Variants in ITGA9 observed in about 807,000 individuals in gnomAD.
The protein encoded by ITGA9 is integrin alpha-9.
A neutral mutation model predicts 127.8 loss-of-function variants in ITGA9; 56 were observed. The ratio of observed to expected loss-of-function variants is 0.44; its 90% CI spans 0.35 to 0.55. The LOEUF (loss-of-function observed/expected upper bound fraction) is 0.55. Ranked by LOEUF, ITGA9 falls within the 20% of genes least tolerant of loss-of-function variation. ITGA9 has a pLI of 0.00. For missense variants in ITGA9, 1,196 were observed against 1,347.1 expected (o/e 0.89, Z 1.76); for synonymous variants, 508 against 514.5 (o/e 0.99, Z 0.17).
At chr3:37,736,061 T>C (rs1332558154) in intron 19 of ITGA9, among the ~76,000 whole-genome samples, 1 of 152,206 alleles carries the variant, frequency 6.6e-6, no homozygotes, top group African/African-American at 2.4e-5. Context: ...TGGCTTTCCC[T>C]TGGTGTGTGT....
chr3:37,519,179 G>T, intron 10 of ITGA9, 81 bp from the exon 11 acceptor site: 1 of 1,031,454 alleles, frequency 9.7e-7, no homozygotes, highest in Non-Finnish European at 1.5e-6. Context: ...CAGGGACTCA[G>T]ACATGACAAC....
At chr3:37,669,458 T>C (rs1700616449) in intron 17 of ITGA9, among the ~76,000 whole-genome samples, 2 of 152,196 alleles carry the variant, frequency 1.3e-5, no homozygotes, top group African/African-American at 4.8e-5. Context: ...CGCCAACAGA[T>C]CCCTGGATCT....
intron 5 of ITGA9, among the ~76,000 whole-genome samples, chr3:37,500,287 GCTAT>G (rs1197528391): frequency 3.3e-5 from 5 of 152,190 alleles, no homozygotes; most frequent in African/African-American, 1.2e-4. Flanking sequence ...ACTGCAGAAA[GCTAT>G]CTATTTTTAT....
Position 37,821,426 on chromosome 3 carries a change from A to T in ITGA9, c.*2437A>T, listed in dbSNP as rs1056718302. 1.6e-4 allele frequency: 24 copies of T among 152,214 alleles called. No individual in the cohort carries two copies. The highest frequency in any genetic ancestry group is 5.5e-4 in the African/African-American group (23 of 41,454). The allele number at this position is 152,214 out of a possible 1,614,324, so 9.4% of individuals were successfully genotyped here. ...ATTTTGCCTCAGGGTGGCAAAATGC[A>T]GTGGCATGTGGACTTTTTGAATGGG... On this transcript the variant is annotated 3_prime_UTR_variant, in exon 28 of 28. Coordinates refer to ENST00000264741, the MANE Select transcript of ITGA9 (RefSeq NM_002207.3).
rs568250558 is a variant in ITGA9 at position 37,723,520 on chromosome 3, C to T, written c.2068-9192C>T. 1.2e-4 allele frequency among the ~76,000 whole-genome samples: 18 copies of T among 152,230 alleles called. No individual in the cohort carries two copies. In the South Asian group the frequency reaches 3.7e-3, roughly 32 times the overall value. On this transcript the variant is annotated intron_variant, in intron 18 of 27. Coordinates refer to ENST00000264741, the MANE Select transcript of ITGA9 (RefSeq NM_002207.3). ...GGGCTACAGATGTGTGCTACTACAA[C>T]TGGGCTAATTTTTGTGTTTTTAGTA...
chr3:37,710,408 C>CA (rs113779847), intron 18 of ITGA9, among the ~76,000 whole-genome samples: 65,955 of 151,252 alleles, frequency 0.44, 14,798 homozygotes, highest in South Asian at 0.53. Flanking sequence ...TATCCCCCCC[C>CA]CACACACATA....
rs1697514577 is a variant in ITGA9 at position 37,821,515 on chromosome 3, C to G, written c.*2526C>G. The stretch of plus-strand genomic sequence containing the variant: ...TAATGCCATGTTTTCTTTAATGAAT[C>G]ATTTAGGATTCTTAGGTGATATTTC... On this transcript the variant is annotated 3_prime_UTR_variant, in exon 28 of 28. Coordinates refer to ENST00000264741, the MANE Select transcript of ITGA9 (RefSeq NM_002207.3). The G allele has an allele frequency of 6.6e-6, 1 of 152,142 alleles. No individual in the cohort carries two copies. The highest frequency in any genetic ancestry group is 2.4e-5 in the African/African-American group (1 of 41,428). The allele number at this position is 152,142 out of a possible 1,614,324, so 9.4% of individuals were successfully genotyped here. A position where few individuals can be genotyped will look rare whatever the true frequency, so the allele number is the denominator to read the frequency against.
chr3:37,463,063 A>G (rs1416743229), intron 1 of ITGA9, among the ~76,000 whole-genome samples: 1 of 152,136 alleles, frequency 6.6e-6, no homozygotes, highest in Non-Finnish European at 1.5e-5. Context: ...CTGGTTGGTG[A>G]TGAGATTCCT....
chr3:37,528,044 C>T (rs1386633277), intron 13 of ITGA9, among the ~76,000 whole-genome samples: 1 of 152,168 alleles, frequency 6.6e-6, no homozygotes, highest in Non-Finnish European at 1.5e-5. Context: ...CTCAGCCTCC[C>T]AAAGTGCTGG....
At chr3:37,643,926 CT>C (rs1215158451) in intron 16 of ITGA9, among the ~76,000 whole-genome samples, 9 of 152,138 alleles carry the variant, frequency 5.9e-5, no homozygotes, top group Non-Finnish European at 1.2e-4. Flanking sequence ...GGCTGGCATC[CT>C]TTTTTCTTTT....
rs1309765862 is a variant in ITGA9, at chr3:37,778,869, TG to T, written c.2668-1030del. On this transcript the variant is annotated intron_variant, in intron 24 of 27. Coordinates refer to ENST00000264741, the MANE Select transcript of ITGA9 (RefSeq NM_002207.3). ...GGTGACTGTTTGCCACTTGAAAGGT[TG>T]GGTTTTTTTTTTTTTTTTTTTTTTT... Among the ~76,000 whole-genome samples the T allele has an allele frequency of 2.5e-5, 3 of 118,828 alleles. No homozygotes were observed. The Admixed American group carries it at 3.6e-4, about 14-fold the overall frequency. The allele number at this position is 118,828 out of a possible 152,430, so 78.0% of individuals were successfully genotyped here. A position where few individuals can be genotyped will look rare whatever the true frequency, so the allele number is the denominator to read the frequency against.
chr3:37,506,334 A>G (rs1559522699), intron 7 of ITGA9, among the ~76,000 whole-genome samples: 1 of 151,560 alleles, frequency 6.6e-6, no homozygotes, highest in African/African-American at 2.4e-5. Context: ...ACAGCTGACC[A>G]TGTGTGTGTG....
chr3:37,482,126 A>T lies in ITGA9; in HGVS notation c.544+519A>T, dbSNP rs1001359502. Among the ~76,000 whole-genome samples the T allele has an allele frequency of 2.0e-5, 3 of 152,066 alleles. No individual in the cohort carries two copies. The South Asian group carries it at 6.2e-4, about 31-fold the overall frequency. ...TGTCCTGAGGCTGGGGGGAGAGGAGACCCAGGATTCATAAAGCAACAGCTG... is the reference window on the plus strand; with the variant it reads ...TGTCCTGAGGCTGGGGGGAGAGGAGTCCCAGGATTCATAAAGCAACAGCTG... On this transcript the variant is annotated intron_variant, in intron 4 of 27. Transcript: ENST00000264741.
chr3:37,679,969 G>T (rs12491040), intron 17 of ITGA9, among the ~76,000 whole-genome samples: 13,116 of 152,124 alleles, frequency 0.086, 722 homozygotes, highest in East Asian at 0.14. Context: ...GGGCACATGG[G>T]GGGTGGGGGG....
intron 24 of ITGA9, among the ~76,000 whole-genome samples, chr3:37,778,608 ACT>A (rs1466605395): frequency 2.0e-5 from 3 of 149,150 alleles, no homozygotes; most frequent in African/African-American, 7.4e-5. Context: ...ACAGAGCAAG[ACT>A]CTGTCTCAAA....
intron 14 of ITGA9, among the ~76,000 whole-genome samples, chr3:37,538,471 G>T (rs142301671): frequency 7.8e-4 from 119 of 152,328 alleles, no homozygotes; most frequent in African/African-American, 2.7e-3. Flanking sequence ...AAAACCTAAA[G>T]ATGTGAAATG....
At chr3:37,712,521 G>C (rs567051651) in intron 18 of ITGA9, among the ~76,000 whole-genome samples, 2 of 152,292 alleles carry the variant, frequency 1.3e-5, no homozygotes, top group African/African-American at 2.4e-5. Flanking sequence ...ATTGGTGTAG[G>C]TAAAAGAGAA....
chr3:37,743,353 T>C (rs1312214873), intron 21 of ITGA9, among the ~76,000 whole-genome samples: 1 of 152,214 alleles, frequency 6.6e-6, no homozygotes, highest in African/African-American at 2.4e-5. Context: ...ATAAGCAACA[T>C]TGAAAGCATT....
chr3:37,504,580 A>G (rs528693286), intron 6 of ITGA9, among the ~76,000 whole-genome samples: 5 of 152,312 alleles, frequency 3.3e-5, no homozygotes, highest in African/African-American at 9.6e-5. Flanking sequence ...AACTCAACAC[A>G]TATTTATTGA....
Sources: gnomAD v4.1 joint callset for allele counts (sites outside exome capture counted in the v4.1 genomes callset) on GRCh38, gnomAD v4.1.1 for gene constraint, MANE v1.5 for transcripts, NCBI Gene and HGNC (gene_info 2026-07-23, HGNC 2026-07-21) for gene names.